OR2AG1: variants seen among roughly 807,000 people sequenced by gnomAD.
OR2AG1 encodes the protein olfactory receptor family 2 subfamily AG member 1, also known as olfactory receptor 2AG1.
For synonymous variants in OR2AG1, 157 were observed against 155.6 expected, an observed-to-expected ratio of 1.01 and a Z score of -0.07; for missense variants, 391 against 385.9, an observed-to-expected ratio of 1.01 and a Z score of -0.11.
rs879437337 is a variant in OR2AG1, at chr11:6,787,905, AT to A, written c.*1923del. ...TATAAGTGTACTTAGCCCACTACAT[AT>A]TTTTTCATGTTAAATTTTACATATA... On this transcript the variant is annotated 3_prime_UTR_variant, in exon 2 of 2. Transcript: ENST00000641258. The A allele has an allele frequency of 1.1e-4, 17 of 152,192 alleles. No homozygotes were observed. In the East Asian group the frequency reaches 1.5e-3, roughly 14 times the overall value. The allele number at this position is 152,192 out of a possible 1,614,324, so 9.4% of individuals were successfully genotyped here. A position where few individuals can be genotyped will look rare whatever the true frequency, so the allele number is the denominator to read the frequency against.
chr11:6,785,178 G>A lies in OR2AG1; in HGVS notation c.141G>A (p.Leu47=). The A allele has an allele frequency of 6.2e-7, 1 of 1,614,146 alleles. No individual in the cohort carries two copies. The highest frequency in any genetic ancestry group is 1.1e-5 in the South Asian group (1 of 91,078). ...TGATCAGCAATGGCCTACTGCTCCT[G>A]GCTATCACCATGGAAGCCCGGCTCC... ...LALISNGLLL[L]AITMEARLHM... Residue 47 remains leucine, a synonymous_variant, in exon 2 of 2, where the codon CTG becomes CTA. Transcript: ENST00000641258.
At chr11:6,784,089 T>C (rs1167769402) in intron 1 of OR2AG1, among the ~76,000 whole-genome samples, 2 of 152,176 alleles carry the variant, frequency 1.3e-5, no homozygotes, top group Non-Finnish European at 2.9e-5. Flanking sequence ...AACAGCTGCT[T>C]TCTGGAAAAG....
chr11:6,785,655 C>T lies in OR2AG1; in HGVS notation c.618C>T (p.Phe206=). ...TGGTATATGTGATGGGTGTGACCTT[C>T]CTGATTCCCTCTCTTGCTGCTATAC... The part of the protein sequence containing the change: ...ELMVYVMGVT[F]LIPSLAAILA... Residue 206 remains phenylalanine (F), a synonymous_variant, in exon 2 of 2, where the codon TTC becomes TTT. Transcript: ENST00000641258. The T allele has an allele frequency of 7.4e-6, 12 of 1,614,114 alleles. No individual in the cohort carries two copies. Among genetic ancestry groups the T allele is most frequent in the Non-Finnish European group, 1.0e-5 (12 of 1,179,984 alleles).
At position 6,785,922 on chromosome 11, in the gene OR2AG1, G is replaced by A; in HGVS notation, c.885G>A (p.Lys295=). 1.2e-6 allele frequency: 2 copies of A among 1,614,122 alleles called. No homozygotes were observed. Among genetic ancestry groups the A allele is most frequent in the Non-Finnish European group, 1.7e-6 (2 of 1,180,004 alleles). The part of the protein sequence containing the change: ...LNPLIYSLRN[K]EVMRALRRVL... ...CACTCATCTACAGCCTGAGGAATAA[G>A]GAGGTCATGCGGGCCTTGAGGAGGG... The change falls in exon 2 of 2, where the codon AAG becomes AAA. Residue 295 remains lysine (K), a synonymous_variant. Coordinates refer to ENST00000641258, the MANE Select transcript of OR2AG1 (RefSeq NM_001004489.3).
In OR2AG1 at chr11:6,787,975, A is replaced by AT. The variant is rs1247790080; in HGVS notation, c.*1987_*1988insT. On this transcript the variant is annotated 3_prime_UTR_variant, in exon 2 of 2. Coordinates refer to ENST00000641258, the MANE Select transcript of OR2AG1 (RefSeq NM_001004489.3). ...ATAAGGTATAAAATTTGCCTATTTT[A>AT]ATTTGCTTAAGTAACTTGTCCACAG... 6.6e-6 allele frequency: 1 copy of AT among 152,120 alleles called. No homozygotes were observed. The highest frequency in any genetic ancestry group is 1.5e-5 in the Non-Finnish European group (1 of 68,008). The allele number at this position is 152,120 out of a possible 1,614,324, so 9.4% of individuals were successfully genotyped here.
rs535513733 is a variant in OR2AG1 at position 6,790,412 on chromosome 11, C to A, written c.*4424C>A. ...ATGTCACGTGTTCTCACAACACACA[C>A]GCACAGAGGGTAAGTATGTAAGGTG... On this transcript the variant is annotated 3_prime_UTR_variant, in exon 2 of 2. Coordinates refer to ENST00000641258, the MANE Select transcript of OR2AG1 (RefSeq NM_001004489.3). 1 of 152,140 alleles carries A rather than the reference C, an allele frequency of 6.6e-6. No homozygotes were observed. Among genetic ancestry groups the A allele is most frequent in the Non-Finnish European group, 1.5e-5 (1 of 68,028 alleles). 9.4% of individuals were successfully genotyped at this position (152,140 alleles called of 1,614,324 possible). A position where few individuals can be genotyped will look rare whatever the true frequency, so the allele number is the denominator to read the frequency against.
chr11:6,785,070 C>T lies in OR2AG1; in HGVS notation c.33C>T (p.Gly11=), dbSNP rs772842664. 1.2e-6 allele frequency: 2 copies of T among 1,612,026 alleles called. No homozygotes were observed. The highest frequency in any genetic ancestry group is 1.7e-6 in the Non-Finnish European group (2 of 1,178,706). Residue 11 remains glycine, a synonymous_variant, in exon 2 of 2, where the codon GGC becomes GGT. Transcript: ENST00000641258. MELWNFTLGS[G]FILVGILNDS... is the part of the protein sequence containing the mutation. ...TCTGGAACTTCACCTTGGGAAGTGG[C>T]TTCATTTTGGTGGGGATTCTGAATG...
At position 6,783,155 on chromosome 11, in the gene OR2AG1, C is replaced by A. The variant is rs143964372; in HGVS notation, c.-337C>A. 7 of 152,204 alleles carry A rather than the reference C, an allele frequency of 4.6e-5. No homozygotes were observed. The highest frequency in any genetic ancestry group is 1.4e-4 in the African/African-American group (6 of 41,436). 9.4% of individuals were successfully genotyped at this position (152,204 alleles called of 1,614,324 possible). ...TGTATGAAAGTAGTTGCTACTAGTTCTTCACAGGCGTGAGAACAAGAAAGT... is the reference window on the plus strand; with the variant it reads ...TGTATGAAAGTAGTTGCTACTAGTTATTCACAGGCGTGAGAACAAGAAAGT... On this transcript the variant is annotated 5_prime_UTR_variant, in exon 1 of 2. Coordinates refer to ENST00000641258, the MANE Select transcript of OR2AG1 (RefSeq NM_001004489.3).
Position 6,785,604 on chromosome 11 carries a change from T to C in OR2AG1, c.567T>C (p.Cys189=). The C allele has an allele frequency of 3.1e-6, 5 of 1,614,164 alleles. No homozygotes were observed. The highest frequency in any genetic ancestry group is 1.1e-5 in the South Asian group (1 of 91,084). ...CEIPHLLKVA[C]ADTSRYELMV... ...TCCCACACTTGCTGAAGGTGGCCTG[T>C]GCTGATACCTCCAGATATGAGCTCA... Residue 189 remains cysteine (C), a synonymous_variant, in exon 2 of 2, where the codon TGT becomes TGC. Coordinates refer to ENST00000641258, the MANE Select transcript of OR2AG1 (RefSeq NM_001004489.3).
intron 1 of OR2AG1, among the ~76,000 whole-genome samples, chr11:6,784,275 C>T (rs959997214): frequency 6.6e-6 from 1 of 152,304 alleles, no homozygotes; most frequent in Non-Finnish European, 1.5e-5. Flanking sequence ...CACAAACATC[C>T]TGATCTTCCT....
chr11:6,785,859 C>A lies in OR2AG1; in HGVS notation c.822C>A (p.Ile274=). 6.2e-7 allele frequency: 1 copy of A among 1,614,130 alleles called. No homozygotes were observed. The highest frequency in any genetic ancestry group is 8.5e-7 in the Non-Finnish European group (1 of 1,180,020). ...ACAGCACCAGACAAGACAACATCAT[C>A]TCTGTTTTCTACACAATTGTCACTC... ...SFHSTRQDNI[I]SVFYTIVTPA... The change falls in exon 2 of 2, where the codon ATC becomes ATA. Residue 274 remains isoleucine (I), a synonymous_variant. Transcript: ENST00000641258.
rs142099949 is a variant in OR2AG1 at position 6,785,198 on chromosome 11, G to A, written c.161G>A (p.Arg54Gln). The change falls in exon 2 of 2, where the codon CGG (arginine) becomes CAG (glutamine). Residue 54 changes from arginine (R) to glutamine (Q), a missense_variant. By Grantham distance (43) the Arg-to-Gln change is conservative. Transcript: ENST00000641258. Reference sequence around the variant, plus strand: ...CTCCTGGCTATCACCATGGAAGCCCGGCTCCACATGCCCATGTACCTCCTG... The same window carrying A: ...CTCCTGGCTATCACCATGGAAGCCCAGCTCCACATGCCCATGTACCTCCTG... ...LLLLAITMEA[R>Q]LHMPMYLLLG... 2.3e-5 allele frequency: 37 copies of A among 1,614,014 alleles called. 1 individual carries two copies. Among genetic ancestry groups the A allele is most frequent in the African/African-American group, 2.0e-4 (15 of 74,896 alleles).
Position 6,788,701 on chromosome 11 carries a change from T to G in OR2AG1, c.*2713T>G, listed in dbSNP as rs886877040. On this transcript the variant is annotated 3_prime_UTR_variant, in exon 2 of 2. Transcript: ENST00000641258. ...TAAAATGAACATTCCACACCATCAT[T>G]CTAAGCTGATGCCTTGCCTCACACT... 4 of 152,106 alleles carry G rather than the reference T, an allele frequency of 2.6e-5. No homozygotes were observed. The highest frequency in any genetic ancestry group is 2.0e-4 in the Admixed American group (3 of 15,262). The allele number at this position is 152,106 out of a possible 1,614,324, so 9.4% of individuals were successfully genotyped here. A position where few individuals can be genotyped will look rare whatever the true frequency, so the allele number is the denominator to read the frequency against.
At position 6,785,166 on chromosome 11, in the gene OR2AG1, C is replaced by T. The variant is rs770919752; in HGVS notation, c.129C>T (p.Gly43=). 1.3e-5 allele frequency: 21 copies of T among 1,614,132 alleles called. No individual in the cohort carries two copies. Among genetic ancestry groups the T allele is most frequent in the Non-Finnish European group, 1.7e-5 (20 of 1,179,962 alleles). The change falls in exon 2 of 2, where the codon GGC becomes GGT. Residue 43 remains glycine (G), a synonymous_variant. Transcript: ENST00000641258. ...ILYLLALISN[G]LLLLAITMEA... is the part of the protein sequence containing the mutation. ...ACTTGTTGGCCCTGATCAGCAATGG[C>T]CTACTGCTCCTGGCTATCACCATGG...
rs577573460 is a variant in OR2AG1 at position 6,788,952 on chromosome 11, A to T, written c.*2964A>T. ...TAAATAAATAAATAAATAAATAAATAAAGTAAGAAGTCTTTGCATGACTCC... is the reference window on the plus strand; with the variant it reads ...TAAATAAATAAATAAATAAATAAATTAAGTAAGAAGTCTTTGCATGACTCC... On this transcript the variant is annotated 3_prime_UTR_variant, in exon 2 of 2. Coordinates refer to ENST00000641258, the MANE Select transcript of OR2AG1 (RefSeq NM_001004489.3). 1.3e-5 allele frequency: 2 copies of T among 150,736 alleles called. No homozygotes were observed. Among genetic ancestry groups the T allele is most frequent in the Admixed American group, 6.6e-5 (1 of 15,098 alleles). 9.3% of individuals were successfully genotyped at this position (150,736 alleles called of 1,614,324 possible).
Position 6,785,999 on chromosome 11 carries a change from T to C in OR2AG1, c.*11T>C, listed in dbSNP as rs1847624102. ...CACTCCACGCTCTAGGGAAGGATCA[T>C]GGCTAGCTTCCAGAATTCCTTCTCC... is the stretch of plus-strand genomic sequence containing the variant. On this transcript the variant is annotated 3_prime_UTR_variant, in exon 2 of 2. Transcript: ENST00000641258. 1 of 1,584,010 alleles carries C rather than the reference T, an allele frequency of 6.3e-7. No homozygotes were observed. Among genetic ancestry groups the C allele is most frequent in the South Asian group, 1.2e-5 (1 of 86,536 alleles).
rs1847591692 is a variant in OR2AG1 at position 6,783,353 on chromosome 11, T to C, written c.-139T>C. ...CCCAACTTGGCAATATTAAACCAAC[T>C]GAACACTGCTGAAGAAAGCCACGTC... On this transcript the variant is annotated 5_prime_UTR_variant, in exon 1 of 2. Coordinates refer to ENST00000641258, the MANE Select transcript of OR2AG1 (RefSeq NM_001004489.3). 6.6e-6 allele frequency: 1 copy of C among 152,242 alleles called. No individual in the cohort carries two copies. The highest frequency in any genetic ancestry group is 1.5e-5 in the Non-Finnish European group (1 of 68,060). 9.4% of individuals were successfully genotyped at this position (152,242 alleles called of 1,614,324 possible).
At position 6,783,463 on chromosome 11, in the gene OR2AG1, C is replaced by T. The variant is rs1847593053; in HGVS notation, c.-29C>T. ...AGTGGTCGGACAGCTAAGCTTCTCA[C>T]AACCTGAGGTAAGGACTTTGTATTT... On this transcript the variant is annotated 5_prime_UTR_variant, in exon 1 of 2. Coordinates refer to ENST00000641258, the MANE Select transcript of OR2AG1 (RefSeq NM_001004489.3). 6.6e-6 allele frequency: 1 copy of T among 152,208 alleles called. No homozygotes were observed. The highest frequency in any genetic ancestry group is 2.4e-5 in the African/African-American group (1 of 41,432). 9.4% of individuals were successfully genotyped at this position (152,208 alleles called of 1,614,324 possible). A position where few individuals can be genotyped will look rare whatever the true frequency, so the allele number is the denominator to read the frequency against.
At position 6,788,390 on chromosome 11, in the gene OR2AG1, T is replaced by C. The variant is rs901973810; in HGVS notation, c.*2402T>C. 2.6e-5 allele frequency: 4 copies of C among 152,188 alleles called. No individual in the cohort carries two copies. Among genetic ancestry groups the C allele is most frequent in the African/African-American group, 9.7e-5 (4 of 41,442 alleles). The allele number at this position is 152,188 out of a possible 1,614,324, so 9.4% of individuals were successfully genotyped here. A position where few individuals can be genotyped will look rare whatever the true frequency, so the allele number is the denominator to read the frequency against. On this transcript the variant is annotated 3_prime_UTR_variant, in exon 2 of 2. Coordinates refer to ENST00000641258, the MANE Select transcript of OR2AG1 (RefSeq NM_001004489.3). The stretch of plus-strand genomic sequence containing the variant: ...CAAAGGTACCATTTTTCTAGCAATA[T>C]TTTAAAGTAATCCTTTCATTTTCTA...
Sources: gnomAD v4.1 joint callset for allele counts (sites outside exome capture counted in the v4.1 genomes callset) on GRCh38, gnomAD v4.1.1 for gene constraint, MANE v1.5 for transcripts, NCBI Gene and HGNC (gene_info 2026-07-23, HGNC 2026-07-21) for gene names.